The following VWF variants were observed in gnomAD, a reference collection of about 807,000 sequenced individuals.
VWF encodes von Willebrand factor.
Under a neutral mutation model 308.6 loss-of-function variants are expected in VWF, and 176 were observed. The observed-to-expected ratio is 0.57, with a 90% CI of 0.50 to 0.65. The LOEUF (loss-of-function observed/expected upper bound fraction) is 0.65, where lower values mean the gene tolerates loss of function less well. Among genes scored for constraint, VWF ranks in the 30% least tolerant of loss-of-function variants. VWF has a pLI of 0.00. For missense variants in VWF, 3,146 were observed against 3,648.2 expected, an observed-to-expected ratio of 0.86 and a Z score of 3.55; for synonymous variants, 1,385 against 1,443.4, an observed-to-expected ratio of 0.96 and a Z score of 0.92.
chr12:6,064,611 C>A (rs998706037), intron 11 of VWF, among the ~76,000 whole-genome samples: 1 of 152,190 alleles, frequency 6.6e-6, no homozygotes, highest in African/African-American at 2.4e-5. Flanking sequence ...CCAGCCTGGC[C>A]CAGTCTCTTA....
chr12:5,952,625 C>T (rs1943204638), intron 48 of VWF, 106 bp from the exon 49 acceptor site: 1 of 1,456,692 alleles, frequency 6.9e-7, no homozygotes, highest in East Asian at 2.5e-5. Context: ...ATCTGCAGAA[C>T]CATGAAACAA....
chr12:5,988,454 G>A (rs1484951777), intron 38 of VWF, among the ~76,000 whole-genome samples: 1 of 152,168 alleles, frequency 6.6e-6, no homozygotes, highest in Non-Finnish European at 1.5e-5. Flanking sequence ...GTCATGTTCT[G>A]TATATGTTTC....
chr12:6,016,051 C>T (rs776200166), intron 31 of VWF, 38 bp downstream of exon 31: 15 of 1,613,388 alleles, frequency 9.3e-6, no homozygotes, highest in African/African-American at 5.3e-5. Context: ...TCTGAAGTCT[C>T]GCTCTCCTGA....
rs778264405 is a variant in VWF, at chr12:5,976,263, G to T, written c.7288-3C>A. The T allele has an allele frequency of 6.2e-7, 1 of 1,614,106 alleles. No homozygotes were observed. Among genetic ancestry groups the T allele is most frequent in the South Asian group, 1.1e-5 (1 of 91,076 alleles). On this transcript the variant is annotated splice_polypyrimidine_tract_variant and splice_region_variant and intron_variant, in intron 42 of 51. Transcript: ENST00000261405. Reference sequence around the variant, plus strand: ...ATGGTGCTTCGGTGGACACACACCTGTAGACATAAGTTTTCGTGAGTGAAC... The same window carrying T: ...ATGGTGCTTCGGTGGACACACACCTTTAGACATAAGTTTTCGTGAGTGAAC...
chr12:6,019,574 G>A lies in VWF; in HGVS notation c.3844C>T (p.Leu1282=). The A allele has an allele frequency of 6.2e-7, 1 of 1,613,978 alleles. No homozygotes were observed. Among genetic ancestry groups the A allele is most frequent in the Non-Finnish European group, 8.5e-7 (1 of 1,179,854 alleles). ...TCGGACAGCCTGGAGGAGCCATCCA[G>A]CAGGAAGACCAGGTCCAGTAGCCTG... ...CSRLLDLVFL[L]DGSSRLSEAE... Residue 1282 remains leucine, a synonymous_variant, in exon 28 of 52, where the codon CTG becomes TTG. Transcript: ENST00000261405. The surrounding 1 kb of genome is among the most constrained non-coding windows in gnomAD (Gnocchi z 5.8).
intron 3 of VWF, among the ~76,000 whole-genome samples, chr12:6,115,188 C>T (rs1335142546): frequency 6.6e-6 from 1 of 151,900 alleles, no homozygotes; most frequent in Non-Finnish European, 1.5e-5. Context: ...AGGTGTGTGC[C>T]ACCATGCCCA....
At chr12:5,969,876 C>T (rs983389227) in intron 44 of VWF, among the ~76,000 whole-genome samples, 1 of 152,152 alleles carries the variant, frequency 6.6e-6, no homozygotes, top group African/African-American at 2.4e-5. Context: ...TAGCCTGACC[C>T]CAAGGGTTGT....
intron 5 of VWF, among the ~76,000 whole-genome samples, chr12:6,104,070 A>G (rs1442583808): frequency 1.3e-5 from 2 of 152,192 alleles, no homozygotes; most frequent in African/African-American, 4.8e-5. Context: ...ACAACTCAAC[A>G]ACAATGAAAA....
intron 7 of VWF, among the ~76,000 whole-genome samples, chr12:6,074,648 G>A (rs894301245): frequency 1.7e-4 from 26 of 152,220 alleles, no homozygotes; most frequent in Non-Finnish European, 2.8e-4. Flanking sequence ...AGATGTGGCC[G>A]GCTCAGCTCA....
intron 20 of VWF, 32 bp from the exon 21 acceptor site, chr12:6,031,610 T>C (rs1313220447): frequency 6.2e-7 from 1 of 1,613,650 alleles, no homozygotes; most frequent in Non-Finnish European, 8.5e-7. Flanking sequence ...GAGAAGACCA[T>C]TATCCCCACT....
chr12:6,112,104 T>G (rs1048756764), intron 3 of VWF, among the ~76,000 whole-genome samples: 1 of 152,172 alleles, frequency 6.6e-6, no homozygotes, highest in African/African-American at 2.4e-5. Flanking sequence ...AGTTTACAGA[T>G]CGTGTGGGTC....
chr12:6,082,685 G>A (rs1048208862), intron 6 of VWF, among the ~76,000 whole-genome samples: 1 of 152,232 alleles, frequency 6.6e-6, no homozygotes, highest in Non-Finnish European at 1.5e-5. Flanking sequence ...GTTTCTGTAA[G>A]TCACTTGTCT....
chr12:6,068,002 G>A (rs954557588), intron 10 of VWF, among the ~76,000 whole-genome samples: 2 of 151,940 alleles, frequency 1.3e-5, no homozygotes, highest in African/African-American at 2.4e-5. Context: ...GGGTGTGGTG[G>A]CAGGTGCCTG....
chr12:6,031,648 T>C, intron 20 of VWF, 70 bp from the exon 21 acceptor site: 2 of 1,611,288 alleles, frequency 1.2e-6, no homozygotes, highest in African/African-American at 1.3e-5. Context: ...AAGATTGGCA[T>C]CTCTTCATCA....
chr12:6,041,286 T>C (rs555940546), intron 18 of VWF, among the ~76,000 whole-genome samples: 2 of 151,404 alleles, frequency 1.3e-5, no homozygotes, highest in East Asian at 4.0e-4. Flanking sequence ...AAAAATCAGC[T>C]GGGTGTGGTC....
chr12:6,083,991 G>A (rs1725185869), intron 6 of VWF, among the ~76,000 whole-genome samples: 1 of 152,166 alleles, frequency 6.6e-6, no homozygotes, highest in South Asian at 2.1e-4. Flanking sequence ...AAGACAGAGG[G>A]ACCCTGGATC....
chr12:5,964,226 A>ACATACATACATACATG (rs1943357141), intron 47 of VWF, among the ~76,000 whole-genome samples: 8 of 127,738 alleles, frequency 6.3e-5, no homozygotes, highest in African/African-American at 2.6e-4. Context: ...AAAAATACAT[A>ACATACATACATACATG]CATACATACA....
At chr12:5,952,550 A>C in intron 48 of VWF, 31 bp from the exon 49 acceptor site, 1 of 1,610,490 alleles carries the variant, frequency 6.2e-7, no homozygotes, top group South Asian at 1.1e-5. Context: ...GTAAAGTCAG[A>C]GACAGTGTTT....
chr12:6,103,506 A>G lies in VWF; in HGVS notation c.532+6868T>C, dbSNP rs1359529107. 3.3e-4 allele frequency among the ~76,000 whole-genome samples: 44 copies of G among 134,580 alleles called. 1 individual carries two copies. Among genetic ancestry groups the G allele is most frequent in the African/African-American group, 1.3e-3 (40 of 29,728 alleles). The allele number at this position is 134,580 out of a possible 152,430, so 88.3% of individuals were successfully genotyped here. ...TACATATATGTGTATACACACACGT[A>G]TATATATACACACATATGTGTATAT... On this transcript the variant is annotated intron_variant, in intron 5 of 51. Transcript: ENST00000261405.
Sources: gnomAD v4.1 joint callset for allele counts (sites outside exome capture counted in the v4.1 genomes callset) on GRCh38, gnomAD v4.1.1 for gene constraint, Gnocchi (gnomAD v3.1) non-coding constraint, MANE v1.5 for transcripts, NCBI Gene and HGNC (gene_info 2026-07-23, HGNC 2026-07-21) for gene names.